The following ADAM17 variants were observed in gnomAD, a reference collection of about 807,000 sequenced individuals.
ADAM17 encodes disintegrin and metalloproteinase domain-containing protein 17.
A neutral mutation model predicts 96.7 loss-of-function variants in ADAM17; 39 were observed. The observed-to-expected ratio is 0.40, with a 90% CI of 0.31 to 0.53. ADAM17 has a LOEUF of 0.53. ADAM17 is among the 20% of genes least tolerant of loss of function. ADAM17 has a pLI of 0.44. For synonymous variants in ADAM17, 344 were observed against 359.2 expected, an observed-to-expected ratio of 0.96 and a Z score of 0.48; for missense variants, 777 against 1,013.2, an observed-to-expected ratio of 0.77 and a Z score of 3.17.
intron 11 of ADAM17, among the ~76,000 whole-genome samples, chr2:9,508,167 T>C (rs921835260): frequency 3.9e-5 from 6 of 152,192 alleles, no homozygotes; most frequent in Admixed American, 1.3e-4. Flanking sequence ...ACCTATTACT[T>C]AGAGAAACAG....
At chr2:9,509,403 C>G (rs1203551553) in intron 11 of ADAM17, among the ~76,000 whole-genome samples, 1 of 152,200 alleles carries the variant, frequency 6.6e-6, no homozygotes, top group Non-Finnish European at 1.5e-5. Context: ...TATTCTCTAT[C>G]AGAAACCCCC....
chr2:9,555,597 C>G lies in ADAM17; in HGVS notation c.9G>C (p.Gln3His). The G allele has an allele frequency of 6.3e-7, 1 of 1,582,914 alleles. No individual in the cohort carries two copies. The highest frequency in any genetic ancestry group is 8.6e-7 in the Non-Finnish European group (1 of 1,163,950). The change falls in exon 1 of 19, where the codon CAG (glutamine) becomes CAC (histidine). Residue 3 changes from glutamine (Q) to histidine (H), a missense_variant. Gln to His is a conservative substitution (Grantham distance 24, BLOSUM62 0). Transcript: ENST00000310823. The stretch of plus-strand genomic sequence containing the variant: ...CCACGCTGGTCAGGAATAGGAGAGA[C>G]TGCCTCATGTTCCCGGCCCCGCTAC... MR[Q>H]SLLFLTSVVP...
chr2:9,501,903 A>G (rs1663028687), intron 13 of ADAM17, among the ~76,000 whole-genome samples: 1 of 152,108 alleles, frequency 6.6e-6, no homozygotes, highest in Admixed American at 6.6e-5. Flanking sequence ...TGATCTTTCA[A>G]GGATATACAC....
rs955263690 is a variant in ADAM17 at position 9,511,161 on chromosome 2, C to A, written c.1192-1030G>T. Among the ~76,000 whole-genome samples the A allele has an allele frequency of 3.9e-5, 6 of 151,976 alleles. No individual in the cohort carries two copies. The East Asian group carries it at 9.7e-4, about 24-fold the overall frequency. On this transcript the variant is annotated intron_variant, in intron 10 of 18. Coordinates refer to ENST00000310823, the MANE Select transcript of ADAM17 (RefSeq NM_003183.6). Reference sequence around the variant, plus strand: ...AAAAAAAAGCAAGGGGTAAAAAAAACAGTACGGATAGGCGCAGTGGCTCAC... The same window carrying A: ...AAAAAAAAGCAAGGGGTAAAAAAAAAAGTACGGATAGGCGCAGTGGCTCAC...
intron 10 of ADAM17, among the ~76,000 whole-genome samples, chr2:9,511,167 G>A (rs985415075): frequency 6.6e-6 from 1 of 152,084 alleles, no homozygotes; most frequent in African/African-American, 2.4e-5. Context: ...AAAACAGTAC[G>A]GATAGGCGCA....
At position 9,518,091 on chromosome 2, in the gene ADAM17, G is replaced by A; in HGVS notation, c.1102+12C>T. 6.3e-7 allele frequency: 1 copy of A among 1,578,182 alleles called. No homozygotes were observed. Among genetic ancestry groups the A allele is most frequent in the Non-Finnish European group, 8.6e-7 (1 of 1,165,794 alleles). ...CCAGCAGCATATTCACACAAGAAAT[G>A]GAAAAACTTACCCTTTGGACAAACA... On this transcript the variant is annotated intron_variant, in intron 9 of 18. Transcript: ENST00000310823.
At chr2:9,546,235 T>G (rs183229758) in intron 1 of ADAM17, among the ~76,000 whole-genome samples, 2 of 152,292 alleles carry the variant, frequency 1.3e-5, no homozygotes, top group East Asian at 3.9e-4. Flanking sequence ...GACAGTAACA[T>G]CATTGGTTAT....
At chr2:9,492,757 A>AG in intron 17 of ADAM17, 141 bp downstream of exon 17, 4 of 609,142 alleles carry the variant, frequency 6.6e-6, no homozygotes, top group Non-Finnish European at 1.1e-5. Flanking sequence ...ATGTTCCCCT[A>AG]GGAATAACAA....
intron 13 of ADAM17, among the ~76,000 whole-genome samples, chr2:9,501,204 G>C (rs986832328): frequency 7.9e-5 from 12 of 152,102 alleles, no homozygotes; most frequent in African/African-American, 2.9e-4. Flanking sequence ...AAAATATAAA[G>C]AGATGCTCAA....
intron 6 of ADAM17, among the ~76,000 whole-genome samples, chr2:9,525,320 A>C (rs1664477836): frequency 7.2e-6 from 1 of 138,072 alleles, no homozygotes; most frequent in Non-Finnish European, 1.6e-5. Context: ...AAAAAAATCC[A>C]CTTGACATGA....
chr2:9,533,598 TG>T (rs1427597046), intron 4 of ADAM17, among the ~76,000 whole-genome samples: 1 of 152,204 alleles, frequency 6.6e-6, no homozygotes, highest in Non-Finnish European at 1.5e-5. Context: ...ACATATGCAC[TG>T]CAGCAAAAAC....
At chr2:9,555,345 T>C (rs1406323988) in intron 1 of ADAM17, among the ~76,000 whole-genome samples, 164 bp downstream of exon 1, 1 of 151,672 alleles carries the variant, frequency 6.6e-6, no homozygotes, top group African/African-American at 2.4e-5. Flanking sequence ...CTTTATTCTT[T>C]CCCCAAACTC....
rs770914877 is a variant in ADAM17, at chr2:9,555,622, C to T, written c.-17G>A. ...CTGCCTCATGTTCCCGGCCCCGCTACCGACTCCACCTCTCTGGGCAGCCTT... is the reference window on the plus strand; with the variant it reads ...CTGCCTCATGTTCCCGGCCCCGCTATCGACTCCACCTCTCTGGGCAGCCTT... On this transcript the variant is annotated 5_prime_UTR_variant, in exon 1 of 19. Coordinates refer to ENST00000310823, the MANE Select transcript of ADAM17 (RefSeq NM_003183.6). 3.2e-6 allele frequency: 5 copies of T among 1,547,964 alleles called. No individual in the cohort carries two copies. In the East Asian group the frequency reaches 1.2e-4, roughly 38 times the overall value.
At chr2:9,531,986 C>T (rs1378277751) in intron 4 of ADAM17, among the ~76,000 whole-genome samples, 2 of 152,046 alleles carry the variant, frequency 1.3e-5, no homozygotes, top group African/African-American at 4.8e-5. Flanking sequence ...GTGGCATGCA[C>T]CTGTAGTCCC....
chr2:9,546,958 C>G (rs542255867), intron 1 of ADAM17, among the ~76,000 whole-genome samples: 8 of 152,168 alleles, frequency 5.3e-5, no homozygotes, highest in Non-Finnish European at 1.2e-4. Flanking sequence ...CCACCCACTT[C>G]GGCCTCCCAA....
chr2:9,507,456 C>G (rs1663477525), intron 11 of ADAM17, among the ~76,000 whole-genome samples: 1 of 152,062 alleles, frequency 6.6e-6, no homozygotes, highest in Non-Finnish European at 1.5e-5. Flanking sequence ...GAGCAGAGAT[C>G]ACACCACTGC....
intron 15 of ADAM17, among the ~76,000 whole-genome samples, chr2:9,494,254 G>A (rs1386739329): frequency 6.6e-6 from 1 of 152,182 alleles, no homozygotes; most frequent in Non-Finnish European, 1.5e-5. Context: ...AAGTCAAGCA[G>A]CCTTCTAGGT....
intron 1 of ADAM17, among the ~76,000 whole-genome samples, chr2:9,549,373 T>C (rs1665514006): frequency 6.6e-6 from 1 of 152,138 alleles, no homozygotes; most frequent in Non-Finnish European, 1.5e-5. Context: ...AGACTCCATC[T>C]CAAAAACAAA....
At chr2:9,497,358 C>A in intron 13 of ADAM17, 110 bp from the exon 14 acceptor site, 2 of 1,392,014 alleles carry the variant, frequency 1.4e-6, no homozygotes, top group South Asian at 1.4e-5. Flanking sequence ...CTTGCAAAAG[C>A]AAAAAGTGAC....
Sources: gnomAD v4.1 joint callset for allele counts (sites outside exome capture counted in the v4.1 genomes callset) on GRCh38, gnomAD v4.1.1 for gene constraint, MANE v1.5 for transcripts, NCBI Gene and HGNC (gene_info 2026-07-23, HGNC 2026-07-21) for gene names.